CFAP52: variants seen among roughly 807,000 people sequenced by gnomAD.
CFAP52 encodes the protein cilia and flagella associated protein 52.
A neutral mutation model predicts 70.5 loss-of-function variants in CFAP52; 57 were observed. The observed-to-expected ratio is 0.81, with a 90% confidence interval of 0.65 to 1.01. The LOEUF is 1.01. Ranked by LOEUF, CFAP52 falls within the 50% of genes least tolerant of loss-of-function variation. The pLI is 0.00. For synonymous variants in CFAP52, 267 were observed against 292.5 expected, an observed-to-expected ratio of 0.91 and a Z score of 0.89; for missense variants, 785 against 788.5, an observed-to-expected ratio of 1.00 and a Z score of 0.05.
chr17:9,641,107 G>A (rs1156246800), intron 12 of CFAP52, among the ~76,000 whole-genome samples: 3 of 152,072 alleles, frequency 2.0e-5, no homozygotes, highest in African/African-American at 7.2e-5. Flanking sequence ...GTATATTCAG[G>A]AAAAAAATCA....
downstream of CFAP52, chr17:9,644,687 G>C (rs889639399): frequency 6.6e-6 from 1 of 152,112 alleles, no homozygotes; most frequent in African/African-American, 2.4e-5. Context: ...GTGCGTTAAG[G>C]AGTGAACCAG....
At chr17:9,611,914 A>G (rs1909727922) in intron 7 of CFAP52, among the ~76,000 whole-genome samples, 2 of 152,172 alleles carry the variant, frequency 1.3e-5, no homozygotes, top group African/African-American at 2.4e-5. Context: ...TAGGGTTATC[A>G]TAGCATCCTT....
Position 9,643,105 on chromosome 17 carries a change from C to G in CFAP52, c.1770C>G (p.Ile590Met), listed in dbSNP as rs754906690. The G allele has an allele frequency of 4.2e-5, 68 of 1,613,684 alleles. No individual in the cohort carries two copies. The highest frequency in any genetic ancestry group is 6.7e-5 in the Admixed American group (4 of 59,922). Reference protein sequence around the residue: ...THVGVGHSGNITRIRISPGNQ... With the variant: ...THVGVGHSGNMTRIRISPGNQ... ...TTGGGGTGGGACACAGTGGCAACATCACACGCATCCGCATAAGTCCAGGAA... is the reference window on the plus strand; with the variant it reads ...TTGGGGTGGGACACAGTGGCAACATGACACGCATCCGCATAAGTCCAGGAA... The change falls in exon 14 of 14, where the codon ATC becomes ATG. Residue 590 changes from isoleucine (I) to methionine (M), a missense_variant. Physicochemically the swap from Ile to Met is conservative, Grantham distance 10. Transcript: ENST00000352665.
chr17:9,632,165 T>C (rs1171482499), intron 9 of CFAP52, among the ~76,000 whole-genome samples: 1 of 151,400 alleles, frequency 6.6e-6, no homozygotes, highest in Non-Finnish European at 1.5e-5. Flanking sequence ...GCAACCTCCA[T>C]CTCCCAGGTT....
At chr17:9,634,228 T>C (rs1016409182) in intron 10 of CFAP52, among the ~76,000 whole-genome samples, 3 of 152,194 alleles carry the variant, frequency 2.0e-5, no homozygotes, top group Non-Finnish European at 4.4e-5. Flanking sequence ...TCCCCTGTCA[T>C]AGGAAGAACA....
intron 9 of CFAP52, among the ~76,000 whole-genome samples, chr17:9,631,074 G>GAAAGAAAGAAAGAA (rs1440623443): frequency 7.5e-6 from 1 of 133,128 alleles, no homozygotes; most frequent in Admixed American, 7.4e-5. Flanking sequence ...AAGAAAGAAA[G>GAAAGAAAGAAAGAA]AAAGAAAGAG....
Position 9,580,688 on chromosome 17 carries a change from C to CA in CFAP52, c.70+3939dup, listed in dbSNP as rs34077753. 2.9e-3 allele frequency among the ~76,000 whole-genome samples: 357 copies of CA among 123,208 alleles called. 4 individuals carry two copies. The highest frequency in any genetic ancestry group is 9.3e-3 in the African/African-American group (290 of 31,198). 80.8% of individuals were successfully genotyped at this position (123,208 alleles called of 152,430 possible). A position where few individuals can be genotyped will look rare whatever the true frequency, so the allele number is the denominator to read the frequency against. On this transcript the variant is annotated intron_variant, in intron 1 of 13. Coordinates refer to ENST00000352665, the MANE Select transcript of CFAP52 (RefSeq NM_145054.5). ...TGGGCAACAGAGTGAGACCTGGTCT[C>CA]AAAAAAAAAAAAAAAATGCTGTTAA...
chr17:9,638,099 G>C lies in CFAP52; in HGVS notation c.1473-510G>C, dbSNP rs140629404. ...CATGATATGGTACGTCCAAACCTGT[G>C]TACAAATGTGTACATGACATCTTGC... On this transcript the variant is annotated intron_variant, in intron 11 of 13. Transcript: ENST00000352665. Among the ~76,000 whole-genome samples the C allele has an allele frequency of 2.5e-3, 377 of 152,308 alleles. 1 individual carries two copies. The highest frequency in any genetic ancestry group is 8.7e-3 in the African/African-American group (360 of 41,558).
chr17:9,601,228 C>G (rs4791352), intron 6 of CFAP52, among the ~76,000 whole-genome samples: 2 of 135,610 alleles, frequency 1.5e-5, no homozygotes, highest in African/African-American at 2.8e-5. Flanking sequence ...CACATGGACC[C>G]GGGAAAGGGA....
chr17:9,582,566 T>C (rs1397644278), intron 1 of CFAP52, among the ~76,000 whole-genome samples: 1 of 152,214 alleles, frequency 6.6e-6, no homozygotes, highest in Non-Finnish European at 1.5e-5. Context: ...CTTTGTCTAT[T>C]GTATACATTG....
In CFAP52 at chr17:9,643,321, T is replaced by C. The variant is rs1175955539; in HGVS notation, c.*123T>C. On this transcript the variant is annotated 3_prime_UTR_variant, in exon 14 of 14. Coordinates refer to ENST00000352665, the MANE Select transcript of CFAP52 (RefSeq NM_145054.5). ...GTTTTTGTTCTTGAGTCAATTTTTC[T>C]CTTTTTCTTTATAGAATGCATTTTA... The C allele has an allele frequency of 1.1e-6, 1 of 869,690 alleles. No individual in the cohort carries two copies. The highest frequency in any genetic ancestry group is 1.6e-6 in the Non-Finnish European group (1 of 632,830). 53.9% of individuals were successfully genotyped at this position (869,690 alleles called of 1,614,324 possible). A position where few individuals can be genotyped will look rare whatever the true frequency, so the allele number is the denominator to read the frequency against.
intron 8 of CFAP52, 144 bp from the exon 9 acceptor site, chr17:9,628,528 T>TC: frequency 2.8e-6 from 3 of 1,073,962 alleles, no homozygotes; most frequent in East Asian, 2.7e-5. Context: ...TCCACCCCCC[T>TC]GGCCTCCCAA....
In CFAP52 at chr17:9,593,383, C is replaced by T. The variant is rs555011538; in HGVS notation, c.408-810C>T. Among the ~76,000 whole-genome samples, 234 of 152,322 alleles carry T rather than the reference C, an allele frequency of 1.5e-3. 3 individuals carry two copies. Among genetic ancestry groups the T allele is most frequent in the East Asian group, 1.9e-4 (1 of 5,184 alleles). ...AAGAAAAGCAAATTCTCAGATCCCACGTACTGAATCAGAAACTGCGGTGCT... is the reference window on the plus strand; with the variant it reads ...AAGAAAAGCAAATTCTCAGATCCCATGTACTGAATCAGAAACTGCGGTGCT... On this transcript the variant is annotated intron_variant, in intron 3 of 13. Coordinates refer to ENST00000352665, the MANE Select transcript of CFAP52 (RefSeq NM_145054.5).
chr17:9,615,341 C>T (rs909169527), intron 8 of CFAP52, among the ~76,000 whole-genome samples: 3 of 152,270 alleles, frequency 2.0e-5, no homozygotes, highest in South Asian at 2.1e-4. Flanking sequence ...ATTACAGAGA[C>T]GTGCATTGCA....
intron 8 of CFAP52, among the ~76,000 whole-genome samples, chr17:9,627,444 G>A (rs1465279131): frequency 6.6e-6 from 1 of 152,088 alleles, no homozygotes; most frequent in African/African-American, 2.4e-5. Flanking sequence ...ACAGGAGGTG[G>A]AGTAAGCCAA....
chr17:9,613,501 T>A (rs1026997792), intron 8 of CFAP52, among the ~76,000 whole-genome samples: 1 of 147,466 alleles, frequency 6.8e-6, no homozygotes, highest in Non-Finnish European at 1.5e-5. Flanking sequence ...TTTTGGGGGG[T>A]TTTTGTTTGT....
At chr17:9,614,030 T>C (rs1909811391) in intron 8 of CFAP52, among the ~76,000 whole-genome samples, 4 of 152,328 alleles carry the variant, frequency 2.6e-5, no homozygotes, top group Middle Eastern at 6.8e-3. Flanking sequence ...GCAAAACTGT[T>C]TGGCCCTGGT....
chr17:9,630,775 C>T (rs375635877), intron 9 of CFAP52, among the ~76,000 whole-genome samples: 128 of 150,206 alleles, frequency 8.5e-4, no homozygotes, highest in African/African-American at 3.0e-3. Flanking sequence ...CGCCTGAGGT[C>T]AGGAGTTTGA....
chr17:9,598,378 T>A (rs1024069167), intron 5 of CFAP52, 45 bp downstream of exon 5: 1 of 1,522,138 alleles, frequency 6.6e-7, no homozygotes, highest in Non-Finnish European at 9.1e-7. Flanking sequence ...CACACGTTCC[T>A]GTTAGCAGTG....
Sources: gnomAD v4.1 joint callset for allele counts (sites outside exome capture counted in the v4.1 genomes callset) on GRCh38, gnomAD v4.1.1 for gene constraint, MANE v1.5 for transcripts, NCBI Gene and HGNC (gene_info 2026-07-23, HGNC 2026-07-21) for gene names.